Variants in KCNB2 observed in about 807,000 individuals in gnomAD.
The protein encoded by KCNB2 is potassium voltage-gated channel subfamily B member 2.
A neutral mutation model predicts 61.5 loss-of-function variants in KCNB2; 15 were observed. That is an observed-to-expected ratio of 0.24 (90% CI 0.16 to 0.38). The LOEUF (loss-of-function observed/expected upper bound fraction) is 0.38, where lower values mean the gene tolerates loss of function less well. KCNB2 is among the 10% of genes least tolerant of loss of function. The pLI is 1.00. For missense variants in KCNB2, 828 were observed against 1,125.2 expected (o/e 0.74, Z 3.78); for synonymous variants, 457 against 446.0 (o/e 1.02, Z -0.31).
chr8:72,713,864 G>A (rs1399334849), intron 2 of KCNB2, among the ~76,000 whole-genome samples: 2 of 152,184 alleles, frequency 1.3e-5, no homozygotes, highest in African/African-American at 4.8e-5. Context: ...ACTACTCCGA[G>A]CTAAAGGAGG....
At chr8:72,855,915 T>C (rs1056101908) in intron 2 of KCNB2, among the ~76,000 whole-genome samples, 3 of 152,216 alleles carry the variant, frequency 2.0e-5, no homozygotes, top group African/African-American at 7.2e-5. Context: ...CCCTCCCATA[T>C]ACTTTAAATC....
chr8:72,656,199 C>G (rs776602228), intron 2 of KCNB2, among the ~76,000 whole-genome samples: 12 of 152,136 alleles, frequency 7.9e-5, no homozygotes, highest in Non-Finnish European at 1.3e-4. Flanking sequence ...ATTGACATCT[C>G]CCTTCATTTT....
intron 2 of KCNB2, among the ~76,000 whole-genome samples, chr8:72,717,442 A>ATGGTAG (rs202193163): frequency 0.18 from 27,688 of 151,894 alleles, 3,326 homozygotes; most frequent in African/African-American, 0.35. Context: ...CCAAAACAGC[A>ATGGTAG]TGGTACTGGT....
At chr8:72,542,498 C>G (rs1429706415) in intron 1 of KCNB2, among the ~76,000 whole-genome samples, 1 of 151,968 alleles carries the variant, frequency 6.6e-6, no homozygotes, top group Non-Finnish European at 1.5e-5. Context: ...ACCTGAAGTA[C>G]AGTACTGTTA....
chr8:72,818,844 C>A (rs954979359), intron 2 of KCNB2, among the ~76,000 whole-genome samples: 2 of 152,128 alleles, frequency 1.3e-5, no homozygotes, highest in Non-Finnish European at 1.5e-5. Flanking sequence ...TTTTCCAATT[C>A]TTTTGTTCAC....
chr8:72,787,738 AC>A (rs1296387426), intron 2 of KCNB2, among the ~76,000 whole-genome samples: 1 of 152,104 alleles, frequency 6.6e-6, no homozygotes, highest in African/African-American at 2.4e-5. Context: ...CTCTTCCCTA[AC>A]CCCCACCCCA....
chr8:72,767,489 T>C (rs1808478843), intron 2 of KCNB2, among the ~76,000 whole-genome samples: 1 of 152,210 alleles, frequency 6.6e-6, no homozygotes, highest in Non-Finnish European at 1.5e-5. Flanking sequence ...ATGTGATCTT[T>C]TGTGACTGGT....
chr8:72,558,065 C>T lies in KCNB2; in HGVS notation c.-93-9577C>T, dbSNP rs116361584. ...TTCATTTTTTGGGGGTAGTCCACAA[C>T]ATGTGTTAAGCATTCATATTAGGTG... is the stretch of plus-strand genomic sequence containing the variant. On this transcript the variant is annotated intron_variant, in intron 1 of 2. Coordinates refer to ENST00000523207, the MANE Select transcript of KCNB2 (RefSeq NM_004770.3). Among the ~76,000 whole-genome samples the T allele has an allele frequency of 5.8e-3, 876 of 152,286 alleles. 7 individuals carry two copies. The highest frequency in any genetic ancestry group is 0.02 in the African/African-American group (824 of 41,558).
At chr8:72,579,693 T>C (rs1438112914) in intron 2 of KCNB2, among the ~76,000 whole-genome samples, 1 of 152,214 alleles carries the variant, frequency 6.6e-6, no homozygotes, top group Non-Finnish European at 1.5e-5. Flanking sequence ...GGAAAGAGAC[T>C]GTTAATTGAT....
chr8:72,563,405 A>G (rs981666506), intron 1 of KCNB2, among the ~76,000 whole-genome samples: 1 of 152,172 alleles, frequency 6.6e-6, no homozygotes, highest in Non-Finnish European at 1.5e-5. Context: ...ATGATCCCAT[A>G]TGACCTCCAA....
chr8:72,624,528 T>G (rs1563541836), intron 2 of KCNB2, among the ~76,000 whole-genome samples: 1 of 151,842 alleles, frequency 6.6e-6, no homozygotes, highest in South Asian at 2.1e-4. Context: ...AGATATGGGT[T>G]TTTTTTTTCA....
intron 2 of KCNB2, among the ~76,000 whole-genome samples, chr8:72,930,413 C>T (rs1419081498): frequency 2.0e-5 from 3 of 152,112 alleles, no homozygotes; most frequent in African/African-American, 7.2e-5. Flanking sequence ...TACAGTCCCA[C>T]CAACAGTGTA....
At chr8:72,538,426 A>G (rs1806146481) in intron 1 of KCNB2, among the ~76,000 whole-genome samples, 1 of 152,152 alleles carries the variant, frequency 6.6e-6, no homozygotes, top group South Asian at 2.1e-4. Flanking sequence ...AATAGCACCA[A>G]AAGACATCGA....
chr8:72,689,960 A>G (rs1338705369), intron 2 of KCNB2, among the ~76,000 whole-genome samples: 19 of 151,854 alleles, frequency 1.3e-4, no homozygotes, highest in Admixed American at 1.2e-3. Flanking sequence ...TTTATTTGTG[A>G]TGCTAGAACA....
At chr8:72,582,690 G>A (rs116787269) in intron 2 of KCNB2, among the ~76,000 whole-genome samples, 132 of 152,248 alleles carry the variant, frequency 8.7e-4, no homozygotes, top group African/African-American at 3.0e-3. Context: ...ATAGCTCACC[G>A]TAACCTCAAA....
At chr8:72,752,383 C>T (rs188609398) in intron 2 of KCNB2, among the ~76,000 whole-genome samples, 209 of 152,230 alleles carry the variant, frequency 1.4e-3, no homozygotes, top group African/African-American at 4.6e-3. Context: ...GTACTTACTC[C>T]GTAAAGTAGA....
In KCNB2 at chr8:72,549,153, G is replaced by A. The variant is rs535475117; in HGVS notation, c.-94+11268G>A. Among the ~76,000 whole-genome samples, 6 of 152,268 alleles carry A rather than the reference G, an allele frequency of 3.9e-5. No homozygotes were observed. The East Asian group carries it at 1.2e-3, about 29-fold the overall frequency. ...TCTTTTTTTCTGAAGTTATAGACCT[G>A]CCTTCTAAGTTAGCACAGTTGTGCC... On this transcript the variant is annotated intron_variant, in intron 1 of 2. Coordinates refer to ENST00000523207, the MANE Select transcript of KCNB2 (RefSeq NM_004770.3).
intron 2 of KCNB2, among the ~76,000 whole-genome samples, chr8:72,650,748 A>G (rs1806199154): frequency 6.6e-6 from 1 of 152,142 alleles, no homozygotes; most frequent in Admixed American, 6.6e-5. Context: ...CACATTTTTA[A>G]AAGGACAGTC....
At chr8:72,735,859 G>A (rs1050999340) in intron 2 of KCNB2, among the ~76,000 whole-genome samples, 10 of 152,092 alleles carry the variant, frequency 6.6e-5, no homozygotes, top group African/African-American at 1.4e-4. Context: ...AAGATGTATC[G>A]CAGAAACTGG....
Sources: allele counts gnomAD v4.1 joint callset (sites outside exome capture counted in the v4.1 genomes callset), GRCh38; gene constraint gnomAD v4.1.1; transcripts MANE v1.5; gene names NCBI Gene and HGNC (gene_info 2026-07-23, HGNC 2026-07-21).